Variants in TDP1 observed in about 807,000 individuals in gnomAD.
The protein encoded by TDP1 is tyr-DNA phosphodiesterase 1.
A neutral mutation model predicts 81.5 loss-of-function variants in TDP1; 64 were observed. The ratio of observed to expected loss-of-function variants is 0.79; its 90% CI spans 0.64 to 0.97. The LOEUF is 0.97. Among genes scored for constraint, TDP1 ranks in the 50% least tolerant of loss-of-function variants. The probability of loss-of-function intolerance (pLI) is 0.00; values close to 1 mark genes in which losing one functional copy is unlikely to be tolerated. For missense variants in TDP1, 723 were observed against 743.8 expected (o/e 0.97, Z 0.33); for synonymous variants, 256 against 264.3 (o/e 0.97, Z 0.30).
In TDP1 at chr14:90,043,675, A is replaced by T. The variant is rs1888572318; in HGVS notation, c.*532A>T. ...CATGAGTTCAGGCATGGAAATTTTCATTTGGAGCATCATGTCAGCACTCAA... is the reference window on the plus strand; with the variant it reads ...CATGAGTTCAGGCATGGAAATTTTCTTTTGGAGCATCATGTCAGCACTCAA... On this transcript the variant is annotated 3_prime_UTR_variant, in exon 17 of 17. Transcript: ENST00000335725. 1.2e-5 allele frequency: 2 copies of T among 173,228 alleles called. No individual in the cohort carries two copies. Among genetic ancestry groups the T allele is most frequent in the Non-Finnish European group, 2.5e-5 (2 of 80,998 alleles). 10.7% of individuals were successfully genotyped at this position (173,228 alleles called of 1,614,324 possible).
chr14:89,960,714 A>G (rs1029038085), intron 2 of TDP1, among the ~76,000 whole-genome samples: 1 of 152,198 alleles, frequency 6.6e-6, no homozygotes, highest in African/African-American at 2.4e-5. Flanking sequence ...AGAATGGGCC[A>G]GATTATTGTC....
At chr14:89,960,565 T>G (rs1319940524) in intron 2 of TDP1, among the ~76,000 whole-genome samples, 1 of 152,190 alleles carries the variant, frequency 6.6e-6, no homozygotes, top group Non-Finnish European at 1.5e-5. Context: ...AAAGCAGATA[T>G]GAGGGCTCAA....
At chr14:89,984,903 C>G in intron 9 of TDP1, 1 of 985,348 alleles carries the variant, frequency 1.0e-6, no homozygotes, top group Non-Finnish European at 1.2e-6. Context: ...TAGCCTCCCA[C>G]TGGGTTACTC....
chr14:89,965,779 G>A (rs1262712128), intron 3 of TDP1: 2 of 985,064 alleles, frequency 2.0e-6, no homozygotes, highest in African/African-American at 3.5e-5. Flanking sequence ...CTAGTCTTGA[G>A]TTGGGAGATT....
At position 89,963,656 on chromosome 14, in the gene TDP1, G is replaced by T; in HGVS notation, c.542G>T (p.Gly181Val). The T allele has an allele frequency of 1.2e-6, 2 of 1,613,964 alleles. No homozygotes were observed. The highest frequency in any genetic ancestry group is 1.7e-6 in the Non-Finnish European group (2 of 1,179,898). ...VSGVKPKYNSGALHIKDILSP... is the reference protein window; with the variant it reads ...VSGVKPKYNSVALHIKDILSP... ...GGAGTTAAGCCAAAGTATAACTCTG[G>T]AGCCCTCCACATCAAGGGTAAGAGG... is the stretch of plus-strand genomic sequence containing the variant. The change falls in exon 3 of 17, where the codon GGA (glycine) becomes GTA (valine). Residue 181 changes from glycine (G) to valine (V), a missense_variant. Gly to Val is a moderately radical substitution (Grantham distance 109). Coordinates refer to ENST00000335725, the MANE Select transcript of TDP1 (RefSeq NM_018319.4).
At chr14:89,987,374 T>A (rs1332775622) in intron 10 of TDP1, among the ~76,000 whole-genome samples, 3 of 152,070 alleles carry the variant, frequency 2.0e-5, no homozygotes, top group African/African-American at 7.2e-5. Flanking sequence ...AAGAAAGTGA[T>A]GATATAAAGA....
At chr14:90,019,177 T>C (rs1885671415) in intron 14 of TDP1, 139 bp from the exon 15 acceptor site, 2 of 1,366,368 alleles carry the variant, frequency 1.5e-6, no homozygotes, top group Admixed American at 4.0e-5. Context: ...TTTTCAAAAA[T>C]GCAGCAACTC....
At chr14:89,985,951 C>T (rs767106881) in intron 10 of TDP1, among the ~76,000 whole-genome samples, 3 of 152,136 alleles carry the variant, frequency 2.0e-5, no homozygotes, top group Non-Finnish European at 2.9e-5. Context: ...CGCTTGAACC[C>T]GGGAGGCGGA....
chr14:90,018,684 G>A (rs1286259435), intron 14 of TDP1, among the ~76,000 whole-genome samples: 1 of 151,808 alleles, frequency 6.6e-6, no homozygotes, highest in Admixed American at 6.6e-5. Context: ...GGTTCAAGTG[G>A]TCCGCCCGCC....
chr14:90,020,509 GTCCC>G (rs1359231929), intron 15 of TDP1, among the ~76,000 whole-genome samples: 5 of 7,686 alleles, frequency 6.5e-4, no homozygotes, highest in African/African-American at 1.4e-3. Flanking sequence ...CCTCCCTTCC[GTCCC>G]TCCCTCCCTC....
intron 15 of TDP1, among the ~76,000 whole-genome samples, chr14:90,020,987 G>A (rs1420848689): frequency 6.6e-6 from 1 of 151,626 alleles, no homozygotes; most frequent in Non-Finnish European, 1.5e-5. Flanking sequence ...GTAGAGACGG[G>A]GTTTCACCAT....
chr14:89,989,719 C>G lies in TDP1; in HGVS notation c.1320C>G (p.Ile440Met), dbSNP rs758085913. 2 of 1,608,592 alleles carry G rather than the reference C, an allele frequency of 1.2e-6. No homozygotes were observed. Among genetic ancestry groups the G allele is most frequent in the African/African-American group, 1.3e-5 (1 of 74,886 alleles). ...TATTGTTTTCCTCTTATTTTTAGAT[C>G]TATCCTTCTGTGGAAAATGTGCGGA... Reference protein sequence around the residue: ...PGKSSVPLYLIYPSVENVRTS... With the variant: ...PGKSSVPLYLMYPSVENVRTS... The change falls in exon 12 of 17, where the codon ATC (isoleucine) becomes ATG (methionine). Residue 440 changes from isoleucine (I) to methionine (M), a missense_variant and splice_region_variant. Ile to Met is a conservative substitution (Grantham distance 10). Transcript: ENST00000335725.
intron 3 of TDP1, among the ~76,000 whole-genome samples, chr14:89,964,324 G>A (rs1892684277): frequency 6.6e-6 from 1 of 152,244 alleles, no homozygotes; most frequent in East Asian, 1.9e-4. Context: ...AGGAAGAGCA[G>A]GAGCTCTAGA....
At position 90,043,090 on chromosome 14, in the gene TDP1, AT is replaced by A. The variant is rs1373331363; in HGVS notation, c.1776del (p.Pro593LeufsTer23). On this transcript the variant is annotated frameshift_variant, in exon 17 of 17. Coordinates refer to ENST00000335725, the MANE Select transcript of TDP1 (RefSeq NM_018319.4). LOFTEE classifies it high-confidence loss of function. ...CCCAGATCGGCCATGGATATGGAAC[AT>A]TCCTTATGTCAAAGCACCGGATACG... is the stretch of plus-strand genomic sequence containing the variant. ...GSKDRPWIWN[I>X]PYVKAPDTHG... 1 of 1,614,202 alleles carries A rather than the reference AT, an allele frequency of 6.2e-7. No individual in the cohort carries two copies. The highest frequency in any genetic ancestry group is 1.7e-5 in the Admixed American group (1 of 60,032).
At chr14:89,983,023 T>C (rs1328058302) in intron 8 of TDP1, 1 of 433,166 alleles carries the variant, frequency 2.3e-6, no homozygotes, top group African/African-American at 2.1e-5. Context: ...TTTGGCTCAT[T>C]ATAATAATTT....
chr14:89,990,042 A>G (rs901307516), intron 12 of TDP1, among the ~76,000 whole-genome samples: 7 of 152,180 alleles, frequency 4.6e-5, no homozygotes, highest in Non-Finnish European at 8.8e-5. Flanking sequence ...GCCAAATAAA[A>G]TCAGCTTCCC....
At chr14:89,978,189 G>A (rs1194117225) in intron 7 of TDP1, among the ~76,000 whole-genome samples, 1 of 152,158 alleles carries the variant, frequency 6.6e-6, no homozygotes. Context: ...AGTGTTCACC[G>A]TTGCTGCCAC....
chr14:89,975,636 C>G (rs906805045), intron 6 of TDP1, 145 bp from the exon 7 acceptor site: 67 of 508,520 alleles, frequency 1.3e-4, no homozygotes, highest in East Asian at 6.2e-4. Flanking sequence ...TAAAAGCTGT[C>G]TTGTTATTCA....
At position 90,019,346 on chromosome 14, in the gene TDP1, A is replaced by G. The variant is rs921453665; in HGVS notation, c.1572A>G (p.Ala524=). 3 of 1,611,566 alleles carry G rather than the reference A, an allele frequency of 1.9e-6. No individual in the cohort carries two copies. The stretch of plus-strand genomic sequence containing the variant: ...ATCTGTCCAAGGCTGCCTGGGGAGC[A>G]TTGGAGAAGAATGGCACCCAGCTGA... ...SANLSKAAWG[A]LEKNGTQLMI... Residue 524 remains alanine (A), a synonymous_variant, in exon 15 of 17, where the codon GCA becomes GCG. Transcript: ENST00000335725.
Sources: gnomAD v4.1 joint callset for allele counts (sites outside exome capture counted in the v4.1 genomes callset) on GRCh38, gnomAD v4.1.1 for gene constraint, MANE v1.5 for transcripts, NCBI Gene and HGNC (gene_info 2026-07-23, HGNC 2026-07-21) for gene names.